Variants in SSBP2 observed in about 807,000 individuals in gnomAD.
The protein encoded by SSBP2 is single-stranded DNA-binding protein 2.
Under a neutral mutation model 61.8 loss-of-function variants are expected in SSBP2, and 17 were observed. The ratio of observed to expected loss-of-function variants is 0.28; its 90% CI spans 0.19 to 0.41. The LOEUF (loss-of-function observed/expected upper bound fraction) is 0.41. Among genes scored for constraint, SSBP2 ranks in the 10% least tolerant of loss-of-function variants. The pLI, the probability that SSBP2 is intolerant of heterozygous loss-of-function variation, is 1.00. For synonymous variants in SSBP2, 139 were observed against 141.3 expected (o/e 0.98, Z 0.12); for missense variants, 310 against 458.7 (o/e 0.68, Z 2.96).
At chr5:81,641,621 T>C (rs893812018) in intron 2 of SSBP2, among the ~76,000 whole-genome samples, 18 of 152,294 alleles carry the variant, frequency 1.2e-4, no homozygotes, top group African/African-American at 4.1e-4. Context: ...TAGATACCAC[T>C]TGTTTAAAAA....
intron 1 of SSBP2, among the ~76,000 whole-genome samples, chr5:81,676,733 G>T (rs1417071953): frequency 6.6e-6 from 1 of 152,054 alleles, no homozygotes; most frequent in African/African-American, 2.4e-5. Flanking sequence ...CTTTGTTATA[G>T]AAATTACGCA....
intron 1 of SSBP2, among the ~76,000 whole-genome samples, chr5:81,721,793 A>T (rs1755557319): frequency 6.6e-6 from 1 of 152,112 alleles, no homozygotes; most frequent in East Asian, 1.9e-4. Context: ...CAGCATCATT[A>T]TAAGGAATCA....
At chr5:81,668,797 G>A (rs932670458) in intron 1 of SSBP2, among the ~76,000 whole-genome samples, 7 of 152,114 alleles carry the variant, frequency 4.6e-5, no homozygotes, top group African/African-American at 1.7e-4. Context: ...ATTATATTTA[G>A]TCAAGGTCCT....
In SSBP2 at chr5:81,419,524, T is replaced by C. The variant is rs1202343411; in HGVS notation, c.*980A>G. 2.0e-5 allele frequency: 3 copies of C among 152,256 alleles called. No homozygotes were observed. Among genetic ancestry groups the C allele is most frequent in the Non-Finnish European group, 4.4e-5 (3 of 68,036 alleles). 9.4% of individuals were successfully genotyped at this position (152,256 alleles called of 1,614,324 possible). A position where few individuals can be genotyped will look rare whatever the true frequency, so the allele number is the denominator to read the frequency against. ...TCACATTAGTATGTTATTAAAAATT[T>C]ACCTCTAGTACTCCTGGTGAGAAGT... On this transcript the variant is annotated 3_prime_UTR_variant, in exon 17 of 17. Transcript: ENST00000320672.
At chr5:81,645,239 C>T (rs1749146209) in intron 2 of SSBP2, among the ~76,000 whole-genome samples, 1 of 152,084 alleles carries the variant, frequency 6.6e-6, no homozygotes, top group Admixed American at 6.6e-5. Context: ...TACTATATTG[C>T]CTCAAAATTA....
chr5:81,693,202 T>TAAA (rs34403567), intron 1 of SSBP2, among the ~76,000 whole-genome samples: 14 of 116,076 alleles, frequency 1.2e-4, no homozygotes, highest in South Asian at 2.8e-4. Context: ...GACTTTGTCT[T>TAAA]AAAAAAAAAA....
chr5:81,677,791 T>G (rs1408493022), intron 1 of SSBP2, among the ~76,000 whole-genome samples: 4 of 149,618 alleles, frequency 2.7e-5, no homozygotes, highest in Admixed American at 2.0e-4. Context: ...ACATACCAAT[T>G]GCAGCCCCCT....
At chr5:81,463,758 CTTTT>C (rs938398439) in intron 9 of SSBP2, among the ~76,000 whole-genome samples, 12 of 96,300 alleles carry the variant, frequency 1.2e-4, no homozygotes, top group East Asian at 8.9e-4. Context: ...GAAAAATCCT[CTTTT>C]TTTTTTTTTT....
intron 1 of SSBP2, among the ~76,000 whole-genome samples, chr5:81,685,327 C>G (rs552074773): frequency 1.3e-5 from 2 of 152,040 alleles, no homozygotes; most frequent in Non-Finnish European, 1.5e-5. Flanking sequence ...TTTGTCAAAA[C>G]TGATAGGATA....
chr5:81,464,192 G>T (rs1433440096), intron 9 of SSBP2, among the ~76,000 whole-genome samples: 1 of 152,078 alleles, frequency 6.6e-6, no homozygotes, highest in Non-Finnish European at 1.5e-5. Context: ...TTTTGGCCTC[G>T]TAGTATTGCT....
chr5:81,607,298 C>T (rs774780894), intron 4 of SSBP2, among the ~76,000 whole-genome samples: 14 of 152,052 alleles, frequency 9.2e-5, no homozygotes, highest in African/African-American at 2.2e-4. Context: ...GAAAGAATCA[C>T]GTAAGAGTGG....
chr5:81,725,233 G>A (rs1379871677), intron 1 of SSBP2, among the ~76,000 whole-genome samples: 1 of 151,754 alleles, frequency 6.6e-6, no homozygotes, highest in African/African-American at 2.4e-5. Context: ...AAGAATGGGA[G>A]GTCTTAAGGA....
intron 1 of SSBP2, among the ~76,000 whole-genome samples, chr5:81,664,469 T>C (rs543964632): frequency 7.9e-5 from 12 of 152,296 alleles, no homozygotes; most frequent in Non-Finnish European, 1.3e-4. Context: ...CCTAAAATAG[T>C]AGGTAACTAA....
chr5:81,467,175 T>C (rs1440649151), intron 8 of SSBP2, 110 bp from the exon 9 acceptor site: 16 of 569,972 alleles, frequency 2.8e-5, no homozygotes, highest in Non-Finnish European at 4.9e-5. Flanking sequence ...TAATTCATTC[T>C]CTGAGGGGTC....
At chr5:81,425,118 C>T (rs1761872438) in intron 16 of SSBP2, among the ~76,000 whole-genome samples, 3 of 152,154 alleles carry the variant, frequency 2.0e-5, no homozygotes, top group Admixed American at 2.0e-4. Context: ...AGATAGCACG[C>T]CTTGCTATGA....
At chr5:81,702,286 G>A (rs1203699695) in intron 1 of SSBP2, among the ~76,000 whole-genome samples, 6 of 152,248 alleles carry the variant, frequency 3.9e-5, no homozygotes, top group African/African-American at 7.2e-5. Context: ...CAGGGGAATC[G>A]CTTGAACCCA....
At chr5:81,449,216 A>T (rs1293504217) in intron 10 of SSBP2, among the ~76,000 whole-genome samples, 1 of 152,222 alleles carries the variant, frequency 6.6e-6, no homozygotes, top group Non-Finnish European at 1.5e-5. Context: ...ATGCAAAAAA[A>T]GTTTGTTAAT....
intron 6 of SSBP2, among the ~76,000 whole-genome samples, chr5:81,475,490 C>T (rs1279210667): frequency 9.2e-5 from 14 of 152,144 alleles, no homozygotes; most frequent in Non-Finnish European, 1.2e-4. Flanking sequence ...CTTATAAGCA[C>T]ACCAAATACA....
chr5:81,615,542 G>C lies in SSBP2; in HGVS notation c.213C>G (p.Leu71=), dbSNP rs1745928168. The change falls in exon 4 of 17, where the codon CTC becomes CTG. Residue 71 remains leucine (L), a synonymous_variant. Transcript: ENST00000320672. The stretch of plus-strand genomic sequence containing the variant: ...CACGTCTCTCTGGAGCTGCACAGTA[G>C]AGATCCCAAAATACACTAAAAAAGT... 1.2e-6 allele frequency: 2 copies of C among 1,612,894 alleles called. No individual in the cohort carries two copies. Among genetic ancestry groups the C allele is most frequent in the African/African-American group, 1.3e-5 (1 of 75,008 alleles).
Sources: gnomAD v4.1 joint callset for allele counts (sites outside exome capture counted in the v4.1 genomes callset) on GRCh38, gnomAD v4.1.1 for gene constraint, MANE v1.5 for transcripts, NCBI Gene and HGNC (gene_info 2026-07-23, HGNC 2026-07-21) for gene names.